The following MCTP1 variants were observed in gnomAD, a reference collection of about 807,000 sequenced individuals.
MCTP1 encodes multiple C2 and transmembrane domain-containing protein 1.
MCTP1 carries 69 observed loss-of-function variants against 120.6 expected under a neutral mutation model. That is an observed-to-expected ratio of 0.57 (90% CI 0.47 to 0.70). The LOEUF (loss-of-function observed/expected upper bound fraction) is 0.70. MCTP1 is among the 30% of genes least tolerant of loss of function. MCTP1 has a pLI of 0.00. For synonymous variants in MCTP1, 529 were observed against 493.1 expected (o/e 1.07, Z -0.96); for missense variants, 1,203 against 1,248.8 (o/e 0.96, Z 0.55).
chr5:94,849,025 C>T (rs1453926271), intron 17 of MCTP1, among the ~76,000 whole-genome samples: 3 of 151,812 alleles, frequency 2.0e-5, no homozygotes, highest in Admixed American at 1.3e-4. Context: ...TTAAAAAATA[C>T]AATCATTCAG....
At chr5:94,998,208 G>A (rs60244231) in intron 2 of MCTP1, among the ~76,000 whole-genome samples, 8,364 of 152,190 alleles carry the variant, frequency 0.055, 404 homozygotes, top group African/African-American at 0.13. Flanking sequence ...AAGCAAACAG[G>A]AAGAATAATA....
chr5:95,180,477 T>A (rs1186408856), intron 1 of MCTP1, among the ~76,000 whole-genome samples: 1 of 152,250 alleles, frequency 6.6e-6, no homozygotes, highest in East Asian at 1.9e-4. Context: ...TCCTCCTTCT[T>A]CACATGTTAC....
At chr5:95,160,561 A>C (rs1287797102) in intron 1 of MCTP1, among the ~76,000 whole-genome samples, 4 of 152,058 alleles carry the variant, frequency 2.6e-5, no homozygotes, top group Non-Finnish European at 5.9e-5. Flanking sequence ...TATTTCTTAG[A>C]TATAACCCCA....
intron 3 of MCTP1, among the ~76,000 whole-genome samples, chr5:94,949,329 T>C (rs1472727128): frequency 1.3e-5 from 2 of 152,140 alleles, no homozygotes; most frequent in African/African-American, 2.4e-5. Context: ...TCACTCTGAA[T>C]ACAGGGCAGA....
Position 94,773,111 on chromosome 5 carries a change from G to A in MCTP1, c.2610+5999C>T, listed in dbSNP as rs1504921. Among the ~76,000 whole-genome samples, 937 of 152,228 alleles carry A rather than the reference G, an allele frequency of 6.2e-3. 10 individuals are homozygous for A. The highest frequency in any genetic ancestry group is 0.021 in the African/African-American group (852 of 41,538). The stretch of plus-strand genomic sequence containing the variant: ...ACCAATAGGTTCACAAAGGAGAAAT[G>A]GATCCTTCCCTGATTTTTAATCTTA... On this transcript the variant is annotated intron_variant, in intron 19 of 22. Coordinates refer to ENST00000515393, the MANE Select transcript of MCTP1 (RefSeq NM_024717.7).
At chr5:95,112,775 T>C (rs1024113264) in intron 1 of MCTP1, among the ~76,000 whole-genome samples, 2 of 152,116 alleles carry the variant, frequency 1.3e-5, no homozygotes, top group African/African-American at 4.8e-5. Flanking sequence ...CATCTTAGAG[T>C]CAATGAAATT....
intron 5 of MCTP1, among the ~76,000 whole-genome samples, chr5:94,939,251 C>G (rs1186289550): frequency 3.3e-5 from 5 of 151,986 alleles, no homozygotes; most frequent in African/African-American, 1.2e-4. Context: ...CTATAACCAA[C>G]TTTAATCATG....
At chr5:94,942,625 C>A (rs1347010906) in intron 3 of MCTP1, among the ~76,000 whole-genome samples, 198 bp from the exon 4 acceptor site, 1 of 151,906 alleles carries the variant, frequency 6.6e-6, no homozygotes, top group Non-Finnish European at 1.5e-5. Context: ...TTATTTTTTA[C>A]TTAATATTAC....
chr5:95,039,815 T>TATTCCA (rs1842005512), intron 1 of MCTP1, among the ~76,000 whole-genome samples: 1 of 144,908 alleles, frequency 6.9e-6, no homozygotes, highest in Non-Finnish European at 1.5e-5. Context: ...ATTGTTTAAG[T>TATTCCA]ATTCCAAAGA....
intron 10 of MCTP1, among the ~76,000 whole-genome samples, chr5:94,907,920 T>C (rs568907574): frequency 3.3e-5 from 5 of 152,004 alleles, no homozygotes; most frequent in East Asian, 1.9e-4. Flanking sequence ...AGAAATAAGG[T>C]TGAAGTAGCA....
At chr5:94,762,532 T>C (rs187349441) in intron 19 of MCTP1, among the ~76,000 whole-genome samples, 2 of 152,322 alleles carry the variant, frequency 1.3e-5, no homozygotes, top group Non-Finnish European at 2.9e-5. Flanking sequence ...TTCCAAATGC[T>C]GTCAAGACCC....
At chr5:94,799,539 T>TA (rs1405459861) in intron 17 of MCTP1, among the ~76,000 whole-genome samples, 1 of 152,068 alleles carries the variant, frequency 6.6e-6, no homozygotes, top group African/African-American at 2.4e-5. Context: ...CAGGGACTTT[T>TA]AAAAAATCTC....
intron 19 of MCTP1, among the ~76,000 whole-genome samples, chr5:94,721,670 G>T (rs1452605765): frequency 5.9e-5 from 9 of 152,168 alleles, no homozygotes; most frequent in Admixed American, 4.6e-4. Context: ...TAATGGAATT[G>T]CTGTGTTGCA....
chr5:94,925,806 T>C (rs894392700), intron 6 of MCTP1, among the ~76,000 whole-genome samples: 1 of 152,210 alleles, frequency 6.6e-6, no homozygotes, highest in African/African-American at 2.4e-5. Context: ...ATTATTAAAG[T>C]TATTCTGAAA....
chr5:95,018,769 C>T (rs776084792), intron 1 of MCTP1, among the ~76,000 whole-genome samples: 6 of 152,014 alleles, frequency 3.9e-5, no homozygotes, highest in African/African-American at 7.2e-5. Flanking sequence ...GTCAAATCCC[C>T]CCACTCCATC....
At chr5:95,211,405 C>T (rs1752355243) in intron 1 of MCTP1, among the ~76,000 whole-genome samples, 1 of 152,174 alleles carries the variant, frequency 6.6e-6, no homozygotes, top group Admixed American at 6.6e-5. Flanking sequence ...AACTTCCCTT[C>T]TCGCTTCATT....
At chr5:94,836,413 G>A (rs1267712240) in intron 17 of MCTP1, among the ~76,000 whole-genome samples, 4 of 152,076 alleles carry the variant, frequency 2.6e-5, no homozygotes, top group Admixed American at 1.3e-4. Flanking sequence ...ATTGTTAAGC[G>A]ACAGAATGAA....
At chr5:95,029,155 CAA>C (rs5869665) in intron 1 of MCTP1, among the ~76,000 whole-genome samples, 1 of 135,984 alleles carries the variant, frequency 7.4e-6, no homozygotes, top group Non-Finnish European at 1.6e-5. Flanking sequence ...GACTCCATCT[CAA>C]AAAAAAAAAA....
intron 2 of MCTP1, among the ~76,000 whole-genome samples, chr5:94,980,364 T>C (rs180801071): frequency 6.5e-4 from 99 of 152,270 alleles, no homozygotes; most frequent in African/African-American, 2.4e-3. Context: ...GTCCAGTCTT[T>C]CATTAATACA....
Sources: allele counts gnomAD v4.1 joint callset (sites outside exome capture counted in the v4.1 genomes callset), GRCh38; gene constraint gnomAD v4.1.1; transcripts MANE v1.5; gene names NCBI Gene and HGNC (gene_info 2026-07-23, HGNC 2026-07-21).